The following RINT1 variants were observed in gnomAD, a reference collection of about 807,000 sequenced individuals.
The protein encoded by RINT1 is RAD50 interactor 1, also known as RAD50-interacting protein 1.
In RINT1, 75 loss-of-function variants were observed where a neutral mutation model predicts 97.7. The ratio of observed to expected loss-of-function variants is 0.77; its 90% CI spans 0.64 to 0.93. RINT1 has a LOEUF of 0.93. Among genes scored for constraint, RINT1 ranks in the 40% least tolerant of loss-of-function variants. RINT1 has a pLI of 0.00. For missense variants in RINT1, 892 were observed against 925.2 expected (o/e 0.96, Z 0.47); for synonymous variants, 303 against 326.3 (o/e 0.93, Z 0.77).
chr7:105,547,514 G>A (rs757144715), intron 6 of RINT1, among the ~76,000 whole-genome samples, 181 bp downstream of exon 6: 1 of 152,170 alleles, frequency 6.6e-6, no homozygotes, highest in African/African-American at 2.4e-5. Context: ...TTGCTTGTAG[G>A]TGTGAGGGCT....
intron 11 of RINT1, 50 bp from the exon 12 acceptor site, chr7:105,563,683 A>T (rs377571416): frequency 1.7e-5 from 25 of 1,448,930 alleles, no homozygotes; most frequent in Non-Finnish European, 2.2e-5. Flanking sequence ...TTCTATTTCA[A>T]ACTGTTAAAA....
At position 105,551,589 on chromosome 7, in the gene RINT1, C is replaced by T. The variant is rs375284297; in HGVS notation, c.1353C>T (p.Asp451=). ...VERKFALQKM[D]SMLSSEAAWV... ...TATCAGTTGCTCTTCAAAAAATGGA[C>T]TCAATGCTTTCCTCAGAAGCTGCCT... The change falls in exon 10 of 15, where the codon GAC becomes GAT. Residue 451 remains aspartate, a synonymous_variant. Coordinates refer to ENST00000257700, the MANE Select transcript of RINT1 (RefSeq NM_021930.6). 13 of 1,604,154 alleles carry T rather than the reference C, an allele frequency of 8.1e-6. No individual in the cohort carries two copies. The highest frequency in any genetic ancestry group is 1.1e-5 in the South Asian group (1 of 89,262).
At chr7:105,560,438 A>G (rs1037945281) in intron 11 of RINT1, among the ~76,000 whole-genome samples, 1 of 152,184 alleles carries the variant, frequency 6.6e-6, no homozygotes. Context: ...ACACATTGCC[A>G]TGCAAAAAGA....
At chr7:105,550,690 C>T (rs1790889269) in intron 9 of RINT1, among the ~76,000 whole-genome samples, 1 of 151,970 alleles carries the variant, frequency 6.6e-6, no homozygotes, top group Admixed American at 6.6e-5. Context: ...CTACATATTT[C>T]TAGAGTGGAA....
At chr7:105,566,650 A>AC (rs1322016547) in intron 14 of RINT1, 1 of 152,136 alleles carries the variant, frequency 6.6e-6, no homozygotes, top group Non-Finnish European at 1.5e-5. Context: ...AAAAAAAAAA[A>AC]GTAAAATTTA....
chr7:105,552,904 C>A (rs1005606723), intron 10 of RINT1, among the ~76,000 whole-genome samples: 2 of 151,870 alleles, frequency 1.3e-5, no homozygotes, highest in Non-Finnish European at 2.9e-5. Flanking sequence ...GAACTCCTGA[C>A]CTTGTGATCC....
intron 10 of RINT1, among the ~76,000 whole-genome samples, chr7:105,552,209 G>A (rs746347528): frequency 6.6e-6 from 1 of 152,008 alleles, no homozygotes; most frequent in African/African-American, 2.4e-5. Flanking sequence ...TTAAACATTG[G>A]TATACATGAA....
At chr7:105,552,966 C>T (rs1327950005) in intron 10 of RINT1, among the ~76,000 whole-genome samples, 1 of 151,676 alleles carries the variant, frequency 6.6e-6, no homozygotes, top group East Asian at 1.9e-4. Flanking sequence ...GCCACCGTGC[C>T]CAGTCATCAT....
At chr7:105,553,602 G>A (rs1186164957) in intron 10 of RINT1, among the ~76,000 whole-genome samples, 1 of 149,654 alleles carries the variant, frequency 6.7e-6, no homozygotes, top group Non-Finnish European at 1.5e-5. Flanking sequence ...CTCTACTAGA[G>A]ATGGGGTTTC....
intron 7 of RINT1, 112 bp downstream of exon 7, chr7:105,548,822 T>C (rs1424219910): frequency 1.9e-5 from 19 of 985,104 alleles, no homozygotes; most frequent in African/African-American, 3.3e-5. Flanking sequence ...CTGTTTTTTT[T>C]CTAAAGGGCT....
At chr7:105,543,915 C>T (rs1010450970) in intron 4 of RINT1, among the ~76,000 whole-genome samples, 6 of 151,344 alleles carry the variant, frequency 4.0e-5, no homozygotes, top group Admixed American at 1.3e-4. Flanking sequence ...ATGGTGAAAC[C>T]CCGTCTCTAC....
chr7:105,540,133 T>C (rs367554020), intron 3 of RINT1, among the ~76,000 whole-genome samples: 1 of 150,362 alleles, frequency 6.7e-6, no homozygotes, highest in African/African-American at 2.4e-5. Context: ...GGCTGGAGTG[T>C]GGTGGTGTGA....
intron 3 of RINT1, among the ~76,000 whole-genome samples, chr7:105,538,705 A>G (rs1047656820): frequency 6.6e-6 from 1 of 152,212 alleles, no homozygotes; most frequent in African/African-American, 2.4e-5. Context: ...CCTAGCAGAA[A>G]AAAATAGAAG....
intron 14 of RINT1, 144 bp downstream of exon 14, chr7:105,565,792 C>T: frequency 5.0e-6 from 3 of 600,774 alleles, no homozygotes; most frequent in South Asian, 4.5e-5. Context: ...TGTATGCTTA[C>T]AGCACAATGG....
intron 11 of RINT1, among the ~76,000 whole-genome samples, chr7:105,562,902 CAAAACAA>C (rs779091058): frequency 1.7e-4 from 25 of 150,266 alleles, no homozygotes; most frequent in Non-Finnish European, 3.4e-4. Context: ...GATTCCGTCT[CAAAACAA>C]AAAACAAAAA....
chr7:105,565,470 A>C lies in RINT1; in HGVS notation c.2067+13A>C, dbSNP rs864687. The C allele has an allele frequency of 0.068, 109,361 of 1,612,222 alleles. 4,761 individuals carry two copies. The highest frequency in any genetic ancestry group is 0.21 in the African/African-American group (16,056 of 74,920). ...CATCTACCAAGAAGTAAGTAAGAAT[A>C]GACTGTTTTTGGGCTGTGATAATAA... is the stretch of plus-strand genomic sequence containing the variant. On this transcript the variant is annotated intron_variant, in intron 13 of 14. Coordinates refer to ENST00000257700, the MANE Select transcript of RINT1 (RefSeq NM_021930.6).
intron 2 of RINT1, among the ~76,000 whole-genome samples, chr7:105,535,205 C>T (rs921049985): frequency 3.3e-5 from 5 of 150,040 alleles, no homozygotes; most frequent in African/African-American, 1.2e-4. Context: ...ACAATGACAT[C>T]GATGACATTT....
intron 10 of RINT1, among the ~76,000 whole-genome samples, chr7:105,554,100 G>C (rs932923016): frequency 2.6e-5 from 4 of 151,518 alleles, no homozygotes; most frequent in African/African-American, 9.7e-5. Context: ...GGGTTTCACC[G>C]TGTTAGCCAG....
Position 105,563,955 on chromosome 7 carries a change from C to G in RINT1, c.1886+8C>G. The G allele has an allele frequency of 6.3e-7, 1 of 1,599,688 alleles. No individual in the cohort carries two copies. ...ATTGTATAAAAAAGAAAGGTATGTC[C>G]TCTATGTAAGTCAGCTCTTAACACC... On this transcript the variant is annotated splice_region_variant and intron_variant, in intron 12 of 14. Coordinates refer to ENST00000257700, the MANE Select transcript of RINT1 (RefSeq NM_021930.6).
Sources: allele counts gnomAD v4.1 joint callset (sites outside exome capture counted in the v4.1 genomes callset), GRCh38; gene constraint gnomAD v4.1.1; transcripts MANE v1.5; gene names NCBI Gene and HGNC (gene_info 2026-07-23, HGNC 2026-07-21).